Variants in UMOD observed in about 807,000 individuals in gnomAD.
The protein encoded by UMOD is Tamm-Horsfall urinary glycoprotein.
UMOD carries 64 observed loss-of-function variants against 66.0 expected under a neutral mutation model. The ratio of observed to expected loss-of-function variants is 0.97; its 90% CI spans 0.79 to 1.19. The LOEUF (loss-of-function observed/expected upper bound fraction) is 1.19, where lower values mean the gene tolerates loss of function less well. UMOD is among the 50% of genes most tolerant of loss of function. UMOD has a pLI of 0.00. For missense variants in UMOD, 764 were observed against 850.9 expected (o/e 0.90, Z 1.27); for synonymous variants, 398 against 352.7 (o/e 1.13, Z -1.44).
chr16:20,342,027 A>C (rs1027542816), intron 6 of UMOD, among the ~76,000 whole-genome samples: 6 of 152,206 alleles, frequency 3.9e-5, no homozygotes, highest in Non-Finnish European at 7.3e-5. Flanking sequence ...ATCAGTGAAG[A>C]CTGGGGTGAG....
chr16:20,344,924 G>T (rs1405092967), intron 5 of UMOD, among the ~76,000 whole-genome samples: 1 of 152,196 alleles, frequency 6.6e-6, no homozygotes, highest in Non-Finnish European at 1.5e-5. Context: ...AGCACCCCGT[G>T]CTTCCTCTCT....
At chr16:20,335,431 C>G in intron 10 of UMOD, 51 bp downstream of exon 10, 1 of 1,588,522 alleles carries the variant, frequency 6.3e-7, no homozygotes, top group Non-Finnish European at 8.6e-7. Context: ...GATAGAAGCC[C>G]CCCAGGAGAG....
At chr16:20,354,848 T>G (rs941485769), upstream of UMOD, among the ~76,000 whole-genome samples, 6 of 152,174 alleles carry the variant, frequency 3.9e-5, no homozygotes, top group South Asian at 4.1e-4. Context: ...CCTTTCCGAC[T>G]GCAAATCAAT....
chr16:20,354,727 G>A (rs1359406253), upstream of UMOD, among the ~76,000 whole-genome samples: 1 of 152,028 alleles, frequency 6.6e-6, no homozygotes, highest in Non-Finnish European at 1.5e-5. Context: ...ATGCTTTCTA[G>A]TTTCTGTATT....
At chr16:20,354,735 A>G (rs1225861809), upstream of UMOD, among the ~76,000 whole-genome samples, 1 of 151,752 alleles carries the variant, frequency 6.6e-6, no homozygotes, top group African/African-American at 2.4e-5. Context: ...TAGTTTCTGT[A>G]TTTGGTGCTT....
chr16:20,349,703 T>C, intron 2 of UMOD: 5 of 1,504,044 alleles, frequency 3.3e-6, no homozygotes, highest in South Asian at 2.6e-5. Flanking sequence ...GCAGAATTCC[T>C]ATACTTTGGT....
chr16:20,350,856 A>G lies in UMOD; in HGVS notation c.-102-17T>C. 1.0e-5 allele frequency: 16 copies of G among 1,547,760 alleles called. No homozygotes were observed. Among genetic ancestry groups the G allele is most frequent in the Non-Finnish European group, 1.4e-5 (16 of 1,148,470 alleles). On this transcript the variant is annotated splice_polypyrimidine_tract_variant and intron_variant, in intron 1 of 10. Transcript: ENST00000396138. ...TCTGGTGTCCTGTGAACAGAGATGGATGGGACAAATGCATGATCTAACTCT... is the reference window on the plus strand; with the variant it reads ...TCTGGTGTCCTGTGAACAGAGATGGGTGGGACAAATGCATGATCTAACTCT...
Position 20,348,575 on chromosome 16 carries a change from G to T in UMOD, c.726C>A (p.Ile242=). The change falls in exon 3 of 11, where the codon ATC becomes ATA. Residue 242 remains isoleucine, a synonymous_variant. Transcript: ENST00000396138. ...NGTHPSSDEG[I]VSRKACAHWS... ...AGTGCGCGCAGGCCTTGCGGCTCAC[G>T]ATGCCCTCGTCGCTGGACGGATGCG... The T allele has an allele frequency of 1.3e-6, 2 of 1,595,652 alleles. No individual in the cohort carries two copies. The highest frequency in any genetic ancestry group is 8.5e-7 in the Non-Finnish European group (1 of 1,175,752).
At chr16:20,340,470 G>GTATA (rs1010640212) in intron 7 of UMOD, among the ~76,000 whole-genome samples, 3 of 110,266 alleles carry the variant, frequency 2.7e-5, no homozygotes, top group African/African-American at 1.4e-4. Flanking sequence ...ATGTGTGTGT[G>GTATA]TGTATATATA....
intron 9 of UMOD, among the ~76,000 whole-genome samples, 186 bp from the exon 10 acceptor site, chr16:20,335,706 T>C (rs1485984793): frequency 6.6e-6 from 1 of 152,100 alleles, no homozygotes; most frequent in Non-Finnish European, 1.5e-5. Context: ...AGGAGAAAGG[T>C]CCCAACCCTT....
At chr16:20,350,888 C>A (rs1283938600) in intron 1 of UMOD, 49 bp from the exon 2 acceptor site, 1 of 1,500,814 alleles carries the variant, frequency 6.7e-7, no homozygotes, top group South Asian at 1.3e-5. Flanking sequence ...CTCTCCTCCC[C>A]ACAGCTGGAA....
chr16:20,344,157 C>T lies in UMOD; in HGVS notation c.1198G>A (p.Ala400Thr). ...AGGTAGAGGGTGTTGCTGTAAGTGGCATGGGTTTCATTCCTCTGTTGCAGG... is the reference window on the plus strand; with the variant it reads ...AGGTAGAGGGTGTTGCTGTAAGTGGTATGGGTTTCATTCCTCTGTTGCAGG... ...GTVLTRNETH[A>T]TYSNTLYLAD... Residue 400 changes from alanine (A) to threonine (T), a missense_variant, in exon 6 of 11, where the codon GCC becomes ACC. By Grantham distance (58) the Ala-to-Thr change is moderately conservative. Coordinates refer to ENST00000396138, the MANE Select transcript of UMOD (RefSeq NM_003361.4). 1 of 1,554,250 alleles carries T rather than the reference C, an allele frequency of 6.4e-7. No homozygotes were observed. The highest frequency in any genetic ancestry group is 1.1e-5 in the South Asian group (1 of 89,918).
chr16:20,344,251 A>G (rs1260577416), intron 5 of UMOD, 79 bp from the exon 6 acceptor site: 70 of 1,407,592 alleles, frequency 5.0e-5, no homozygotes, highest in Non-Finnish European at 7.0e-5. Context: ...CTTCAAAGCT[A>G]AATCTGCTGG....
chr16:20,346,073 G>T, intron 5 of UMOD, 53 bp downstream of exon 5: 1 of 1,559,840 alleles, frequency 6.4e-7, no homozygotes, highest in South Asian at 1.1e-5. Flanking sequence ...TGATAGAGCT[G>T]AAGCTTGAAC....
At chr16:20,341,891 C>A (rs1965243881) in intron 6 of UMOD, among the ~76,000 whole-genome samples, 1 of 152,226 alleles carries the variant, frequency 6.6e-6, no homozygotes, top group South Asian at 2.1e-4. Flanking sequence ...CTGAAAACAG[C>A]CACACTGATG....
In UMOD at chr16:20,346,270, C is replaced by T. The variant is rs570407896; in HGVS notation, c.1038G>A (p.Lys346=). 1.2e-6 allele frequency: 2 copies of T among 1,614,278 alleles called. No individual in the cohort carries two copies. The highest frequency in any genetic ancestry group is 3.3e-5 in the Admixed American group (2 of 60,034). ...CGAAGCCCAGACTCTTCAGCTGGCA[C>T]TTGCCCAGCGACACCTTCATGTCAT... The part of the protein sequence containing the change: ...GANDMKVSLG[K]CQLKSLGFDK... The change falls in exon 5 of 11, where the codon AAG becomes AAA. Residue 346 remains lysine (K), a synonymous_variant. Transcript: ENST00000396138.
chr16:20,355,262 A>T (rs1966012620), upstream of UMOD, among the ~76,000 whole-genome samples: 1 of 152,158 alleles, frequency 6.6e-6, no homozygotes, highest in Non-Finnish European at 1.5e-5. Context: ...TTCACCAAAG[A>T]CATCCATGTT....
At chr16:20,337,879 T>C (rs1006269902) in intron 7 of UMOD, among the ~76,000 whole-genome samples, 1 of 152,144 alleles carries the variant, frequency 6.6e-6, no homozygotes, top group African/African-American at 2.4e-5. Flanking sequence ...CGAGAGCCAC[T>C]GATGAAATTG....
At position 20,336,637 on chromosome 16, in the gene UMOD, C is replaced by T. The variant is rs773276506; in HGVS notation, c.1822+9G>A. 3 of 1,613,348 alleles carry T rather than the reference C, an allele frequency of 1.9e-6. No homozygotes were observed. Among genetic ancestry groups the T allele is most frequent in the African/African-American group, 1.3e-5 (1 of 74,994 alleles). ...GCCAGGAATGTTGAGGAGCGAGTGG[C>T]TCTCTTACCTTTCCGTGTGATGGGA... On this transcript the variant is annotated intron_variant, in intron 9 of 10. Transcript: ENST00000396138.
Sources: gnomAD v4.1 joint callset for allele counts (sites outside exome capture counted in the v4.1 genomes callset) on GRCh38, gnomAD v4.1.1 for gene constraint, MANE v1.5 for transcripts, NCBI Gene and HGNC (gene_info 2026-07-23, HGNC 2026-07-21) for gene names.